Variants in FGF12 observed in about 807,000 individuals in gnomAD.
FGF12 encodes the protein fibroblast growth factor 12, also known as fibroblast growth factor 12B.
FGF12 carries 14 observed loss-of-function variants against 23.6 expected under a neutral mutation model. The observed-to-expected ratio is 0.59, with a 90% confidence interval of 0.39 to 0.93. FGF12 has a LOEUF of 0.93. Among genes scored for constraint, FGF12 ranks in the 40% least tolerant of loss-of-function variants. FGF12 has a pLI of 0.00. For missense variants in FGF12, 175 were observed against 217.8 expected (o/e 0.80, Z 1.24); for synonymous variants, 62 against 77.3 (o/e 0.80, Z 1.04).
At chr3:192,442,467 G>A (rs1163306805) in intron 2 of FGF12, among the ~76,000 whole-genome samples, 1 of 152,216 alleles carries the variant, frequency 6.6e-6, no homozygotes, top group African/African-American at 2.4e-5. Context: ...ATGTTGGTGA[G>A]TCTAGTTGGA....
intron 2 of FGF12, among the ~76,000 whole-genome samples, chr3:192,639,926 A>G (rs1426926644): frequency 2.0e-5 from 3 of 152,198 alleles, no homozygotes; most frequent in East Asian, 1.9e-4. Flanking sequence ...TTGCCACAAA[A>G]TGGATAAACC....
chr3:192,229,126 T>C (rs1370375875), intron 4 of FGF12, among the ~76,000 whole-genome samples: 1 of 151,592 alleles, frequency 6.6e-6, no homozygotes, highest in African/African-American at 2.4e-5. Flanking sequence ...GGGACATGGC[T>C]GATGCACTAT....
At chr3:192,620,260 A>G (rs199902360) in intron 2 of FGF12, among the ~76,000 whole-genome samples, 3 of 10,032 alleles carry the variant, frequency 3.0e-4, no homozygotes, top group Middle Eastern at 0.062. Flanking sequence ...GCGCGCACGC[A>G]CACACACACA....
chr3:192,556,031 A>G (rs1305778948), intron 2 of FGF12, among the ~76,000 whole-genome samples: 3 of 152,176 alleles, frequency 2.0e-5, no homozygotes, highest in Admixed American at 2.0e-4. Flanking sequence ...GAAAGTGAGC[A>G]ATAAATCAAA....
intron 2 of FGF12, among the ~76,000 whole-genome samples, chr3:192,498,957 T>C (rs1234498298): frequency 1.3e-5 from 2 of 152,222 alleles, no homozygotes; most frequent in Admixed American, 6.5e-5. Flanking sequence ...AAAATAGCTA[T>C]TGGAAGATAT....
At chr3:192,164,327 G>C (rs1315016119) in intron 5 of FGF12, among the ~76,000 whole-genome samples, 3 of 152,142 alleles carry the variant, frequency 2.0e-5, no homozygotes, top group Non-Finnish European at 4.4e-5. Context: ...CATGTAAGTA[G>C]AGGTTTATAT....
chr3:192,229,346 C>T (rs992787180), intron 4 of FGF12, among the ~76,000 whole-genome samples: 1 of 151,978 alleles, frequency 6.6e-6, no homozygotes, highest in Non-Finnish European at 1.5e-5. Flanking sequence ...TATCTTCCTC[C>T]AGTGATAGGT....
At chr3:192,210,026 G>C (rs1366211699) in intron 4 of FGF12, among the ~76,000 whole-genome samples, 1 of 152,190 alleles carries the variant, frequency 6.6e-6, no homozygotes, top group African/African-American at 2.4e-5. Flanking sequence ...CAGTAACAGT[G>C]ACTAGATTTA....
rs1713517455 is a variant in FGF12 at position 192,143,389 on chromosome 3, T to C, written c.*620A>G. ...TTACATAAAACAATCTTAAATTACA[T>C]CTCAAAAATAATTTCTTACACTTTT... On this transcript the variant is annotated 3_prime_UTR_variant, in exon 6 of 6. Coordinates refer to ENST00000445105, the MANE Select transcript of FGF12 (RefSeq NM_004113.6). 1 of 152,122 alleles carries C rather than the reference T, an allele frequency of 6.6e-6. No individual in the cohort carries two copies. The highest frequency in any genetic ancestry group is 6.5e-5 in the Admixed American group (1 of 15,270). 9.4% of individuals were successfully genotyped at this position (152,122 alleles called of 1,614,324 possible). A position where few individuals can be genotyped will look rare whatever the true frequency, so the allele number is the denominator to read the frequency against.
intron 5 of FGF12, among the ~76,000 whole-genome samples, chr3:192,146,272 A>ATTTTTTTTTTT (rs10676941): frequency 4.5e-4 from 65 of 143,246 alleles, no homozygotes; most frequent in African/African-American, 1.6e-3. Flanking sequence ...TAAAGTGTAT[A>ATTTTTTTTTTT]TTTTTTTTTT....
intron 2 of FGF12, among the ~76,000 whole-genome samples, chr3:192,512,859 T>TATATATATATATATATATATA (rs376386122): frequency 8.7e-5 from 5 of 57,412 alleles, no homozygotes; most frequent in African/African-American, 1.3e-4. Flanking sequence ...TATATATATA[T>TATATATATATATATATATATA]AACAGGCTAT....
At chr3:192,218,640 A>C (rs980078586) in intron 4 of FGF12, among the ~76,000 whole-genome samples, 7 of 152,192 alleles carry the variant, frequency 4.6e-5, no homozygotes, top group Admixed American at 2.6e-4. Flanking sequence ...ACTGTGAGGC[A>C]ATTAAAGCTC....
intron 2 of FGF12, among the ~76,000 whole-genome samples, chr3:192,487,317 T>G (rs368120377): frequency 2.0e-4 from 31 of 152,288 alleles, no homozygotes; most frequent in African/African-American, 7.2e-4. Flanking sequence ...GTAAAGACTA[T>G]GCCAACTTGA....
chr3:192,628,624 C>T (rs1216311434), intron 2 of FGF12, among the ~76,000 whole-genome samples: 4 of 149,280 alleles, frequency 2.7e-5, no homozygotes, highest in African/African-American at 9.9e-5. Flanking sequence ...ACACTGTGAG[C>T]CTGTGATTTC....
At chr3:192,595,965 C>A (rs9831442) in intron 2 of FGF12, among the ~76,000 whole-genome samples, 1 of 151,268 alleles carries the variant, frequency 6.6e-6, no homozygotes, top group South Asian at 2.1e-4. Context: ...TGGTGGTGCA[C>A]GCCTGTAGTC....
intron 4 of FGF12, chr3:192,283,143 A>C (rs895566034): frequency 6.6e-6 from 1 of 152,120 alleles, no homozygotes; most frequent in Non-Finnish European, 1.5e-5. Context: ...TCGTGACATG[A>C]ATGGCATAAC....
chr3:192,391,178 A>T (rs1274843878), intron 2 of FGF12, among the ~76,000 whole-genome samples: 1 of 152,242 alleles, frequency 6.6e-6, no homozygotes, highest in Non-Finnish European at 1.5e-5. Flanking sequence ...TCTCTTCATT[A>T]TGATAGTTTT....
chr3:192,426,349 G>A (rs1019436221), intron 2 of FGF12, among the ~76,000 whole-genome samples: 1 of 152,182 alleles, frequency 6.6e-6, no homozygotes, highest in South Asian at 2.1e-4. Context: ...GAGGGCTAGG[G>A]AGTGATGAGC....
At chr3:192,474,044 C>T (rs150331863) in intron 2 of FGF12, among the ~76,000 whole-genome samples, 1 of 152,248 alleles carries the variant, frequency 6.6e-6, no homozygotes, top group African/African-American at 2.4e-5. Context: ...GGTCTTCACA[C>T]AGAACACAGA....
Sources: gnomAD v4.1 joint callset for allele counts (sites outside exome capture counted in the v4.1 genomes callset) on GRCh38, gnomAD v4.1.1 for gene constraint, MANE v1.5 for transcripts, NCBI Gene and HGNC (gene_info 2026-07-23, HGNC 2026-07-21) for gene names.